The following TUBGCP3 variants were observed in gnomAD, a reference collection of about 807,000 sequenced individuals.
TUBGCP3 encodes the protein tubulin gamma complex component 3.
In TUBGCP3, 50 loss-of-function variants were observed where a neutral mutation model predicts 123.1. That is an observed-to-expected ratio of 0.41 (90% CI 0.32 to 0.51). The LOEUF (loss-of-function observed/expected upper bound fraction) is 0.51, where lower values mean the gene tolerates loss of function less well. Ranked by LOEUF, TUBGCP3 falls within the 20% of genes least tolerant of loss-of-function variation. The pLI, the probability that TUBGCP3 is intolerant of heterozygous loss-of-function variation, is 0.36. For missense variants in TUBGCP3, 882 were observed against 1,127.0 expected, an observed-to-expected ratio of 0.78 and a Z score of 3.11; for synonymous variants, 405 against 413.9, an observed-to-expected ratio of 0.98 and a Z score of 0.26.
chr13:112,527,616 C>T, intron 11 of TUBGCP3, 132 bp from the exon 12 acceptor site: 2 of 618,482 alleles, frequency 3.2e-6, no homozygotes, highest in African/African-American at 1.9e-5. Context: ...CCTATTTATA[C>T]AATAAAACTT....
chr13:112,568,746 G>C (rs990016699), intron 2 of TUBGCP3, among the ~76,000 whole-genome samples: 7 of 152,182 alleles, frequency 4.6e-5, no homozygotes, highest in African/African-American at 1.7e-4. Flanking sequence ...TGAAGAGCTG[G>C]CCACCTGGAA....
chr13:112,549,252 G>A (rs188636262), intron 8 of TUBGCP3, among the ~76,000 whole-genome samples: 117 of 151,302 alleles, frequency 7.7e-4, no homozygotes, highest in African/African-American at 2.3e-3. Flanking sequence ...ACAAAACACC[G>A]CATGTTCTCA....
intron 16 of TUBGCP3, 128 bp downstream of exon 16, chr13:112,518,847 T>A (rs927416509): frequency 1.2e-5 from 9 of 751,536 alleles, no homozygotes; most frequent in Non-Finnish European, 1.8e-5. Context: ...ATTCATTCAA[T>A]GAGTAGATCT....
At chr13:112,544,866 C>T (rs1268590920) in intron 11 of TUBGCP3, 1 of 152,200 alleles carries the variant, frequency 6.6e-6, no homozygotes, top group East Asian at 1.9e-4. Flanking sequence ...AATTAGAAAA[C>T]AAATTGAATG....
rs746683914 is a variant in TUBGCP3 at position 112,508,632 on chromosome 13, T to C, written c.2087-3918A>G. 5.3e-5 allele frequency among the ~76,000 whole-genome samples: 8 copies of C among 152,160 alleles called. No homozygotes were observed. Among genetic ancestry groups the C allele is most frequent in the Non-Finnish European group, 1.2e-4 (8 of 68,042 alleles). ...AATCTTTACCTCTAGTCTAGATCTATCTTAAGTTTAAGATCAGTCTGATTA... is the reference window on the plus strand; with the variant it reads ...AATCTTTACCTCTAGTCTAGATCTACCTTAAGTTTAAGATCAGTCTGATTA... On this transcript the variant is annotated intron_variant, in intron 17 of 21. Transcript: ENST00000261965. The surrounding 1 kb of genome is among the most constrained non-coding windows in gnomAD (Gnocchi z 4.2).
intron 8 of TUBGCP3, among the ~76,000 whole-genome samples, chr13:112,552,378 T>C (rs1436546632): frequency 6.6e-6 from 1 of 152,194 alleles, no homozygotes; most frequent in Admixed American, 6.5e-5. Flanking sequence ...GACTCTAAAA[T>C]TACAGCTGGC....
chr13:112,525,706 C>G (rs946625129), intron 13 of TUBGCP3, among the ~76,000 whole-genome samples: 4 of 152,228 alleles, frequency 2.6e-5, no homozygotes, highest in African/African-American at 9.6e-5. Flanking sequence ...GCTGAACGCT[C>G]ATGCGACATT....
At chr13:112,591,601 G>GGCCTACCATGGTGGCAGCTCCTC (rs558423963), upstream of TUBGCP3, among the ~76,000 whole-genome samples, 460 of 152,302 alleles carry the variant, frequency 3.0e-3, no homozygotes, top group African/African-American at 0.01. Flanking sequence ...TGGTGGTTCT[G>GGCCTACCATGGTGGCAGCTCCTC]GCCTACCATG....
intron 2 of TUBGCP3, among the ~76,000 whole-genome samples, chr13:112,566,340 C>T (rs1666950773): frequency 6.6e-6 from 1 of 152,162 alleles, no homozygotes; most frequent in South Asian, 2.1e-4. Flanking sequence ...GTATGTATCC[C>T]ATTTTAGTAG....
chr13:112,551,153 G>A (rs1038890645), intron 8 of TUBGCP3, among the ~76,000 whole-genome samples: 9 of 152,078 alleles, frequency 5.9e-5, no homozygotes, highest in Non-Finnish European at 8.8e-5. Flanking sequence ...ATTATCCAAC[G>A]TGTAGAATCT....
At chr13:112,587,532 G>A (rs537498588) in intron 1 of TUBGCP3, among the ~76,000 whole-genome samples, 1 of 152,254 alleles carries the variant, frequency 6.6e-6, no homozygotes, top group Non-Finnish European at 1.5e-5. Flanking sequence ...AGAGAAGGGG[G>A]ATAAATTGGC....
At chr13:112,487,058 T>TGC (rs1487592853) in intron 21 of TUBGCP3, among the ~76,000 whole-genome samples, 1 of 143,124 alleles carries the variant, frequency 7.0e-6, no homozygotes, top group Non-Finnish European at 1.6e-5. Context: ...TGTGTATGTG[T>TGC]GTGTGTGTGT....
intron 1 of TUBGCP3, among the ~76,000 whole-genome samples, chr13:112,581,034 A>ACCCC (rs10672630): frequency 1.3e-5 from 2 of 151,566 alleles, no homozygotes; most frequent in Non-Finnish European, 2.9e-5. Flanking sequence ...CTGCTCACAC[A>ACCCC]CCCATCACAC....
upstream of TUBGCP3, among the ~76,000 whole-genome samples, chr13:112,591,076 T>G (rs995027364): frequency 6.6e-6 from 1 of 152,182 alleles, no homozygotes; most frequent in Non-Finnish European, 1.5e-5. Context: ...AAGCAAAAAC[T>G]CAAGGAACAC....
At chr13:112,570,478 G>C (rs1881312574) in intron 1 of TUBGCP3, among the ~76,000 whole-genome samples, 1 of 152,156 alleles carries the variant, frequency 6.6e-6, no homozygotes, top group Non-Finnish European at 1.5e-5. Context: ...TGTTAAGTGT[G>C]GAACAGCATT....
intron 20 of TUBGCP3, 132 bp from the exon 21 acceptor site, chr13:112,489,829 C>T (rs1384689043): frequency 7.5e-6 from 5 of 664,136 alleles, no homozygotes; most frequent in Non-Finnish European, 1.3e-5. Context: ...TCAACACTTT[C>T]ACAATAATTT....
At chr13:112,547,283 G>A (rs542562601) in intron 10 of TUBGCP3, 37 of 399,206 alleles carry the variant, frequency 9.3e-5, no homozygotes, top group Non-Finnish European at 1.6e-4. Flanking sequence ...CTTTAAACAC[G>A]AGACACCCTC....
At chr13:112,575,701 A>G (rs1205559174) in intron 1 of TUBGCP3, among the ~76,000 whole-genome samples, 1 of 152,256 alleles carries the variant, frequency 6.6e-6, no homozygotes, top group Admixed American at 6.5e-5. Context: ...GTGGGTCACA[A>G]AGCAGTCTGA....
intron 11 of TUBGCP3, among the ~76,000 whole-genome samples, chr13:112,538,682 T>C (rs1479749247): frequency 6.6e-6 from 1 of 152,188 alleles, no homozygotes; most frequent in Non-Finnish European, 1.5e-5. Context: ...GCACTTTTAT[T>C]ATAAAAAGAA....
Sources: gnomAD v4.1 joint callset for allele counts (sites outside exome capture counted in the v4.1 genomes callset) on GRCh38, gnomAD v4.1.1 for gene constraint, Gnocchi (gnomAD v3.1) non-coding constraint, MANE v1.5 for transcripts, NCBI Gene and HGNC (gene_info 2026-07-23, HGNC 2026-07-21) for gene names.